Variants in CNTNAP2 observed in about 807,000 individuals in gnomAD.
The protein encoded by CNTNAP2 is contactin associated protein 2.
In CNTNAP2, 98 loss-of-function variants were observed where a neutral mutation model predicts 155.2. The observed-to-expected ratio is 0.63, with a 90% confidence interval of 0.54 to 0.75. The LOEUF (loss-of-function observed/expected upper bound fraction) is 0.75, where lower values mean the gene tolerates loss of function less well. Among genes scored for constraint, CNTNAP2 ranks in the 30% least tolerant of loss-of-function variants. CNTNAP2 has a pLI of 0.00. For synonymous variants in CNTNAP2, 651 were observed against 631.2 expected, an observed-to-expected ratio of 1.03 and a Z score of -0.47; for missense variants, 1,727 against 1,688.1, an observed-to-expected ratio of 1.02 and a Z score of -0.40.
intron 13 of CNTNAP2, among the ~76,000 whole-genome samples, chr7:147,775,301 ATATTTATAAAT>A (rs1797555289): frequency 2.1e-5 from 1 of 47,636 alleles, no homozygotes; most frequent in Non-Finnish European, 3.5e-5. Flanking sequence ...ATATTTATAT[ATATTTATAAAT>A]ATATATATAT....
intron 1 of CNTNAP2, among the ~76,000 whole-genome samples, chr7:146,730,400 C>T (rs2129179270): frequency 6.6e-6 from 1 of 152,204 alleles, no homozygotes; most frequent in East Asian, 1.9e-4. Flanking sequence ...AATTCCTCAT[C>T]CCATTTTATA....
At chr7:147,227,618 G>A (rs994343740) in intron 8 of CNTNAP2, among the ~76,000 whole-genome samples, 3 of 152,150 alleles carry the variant, frequency 2.0e-5, no homozygotes, top group African/African-American at 7.2e-5. Context: ...AGGACATAGA[G>A]GTTTTTGGTT....
At chr7:146,424,050 T>C (rs1796052351) in intron 1 of CNTNAP2, among the ~76,000 whole-genome samples, 1 of 152,180 alleles carries the variant, frequency 6.6e-6, no homozygotes, top group South Asian at 2.1e-4. Flanking sequence ...TTAGTTTTTT[T>C]CATAATATCC....
intron 1 of CNTNAP2, among the ~76,000 whole-genome samples, chr7:146,475,791 C>G (rs1359897477): frequency 6.6e-6 from 1 of 152,092 alleles, no homozygotes; most frequent in Non-Finnish European, 1.5e-5. Context: ...ACTTCCAGTC[C>G]TCCCAATACC....
intron 6 of CNTNAP2, among the ~76,000 whole-genome samples, chr7:147,127,116 T>C (rs1252068257): frequency 6.6e-6 from 1 of 152,192 alleles, no homozygotes. Context: ...GACGTAGTAC[T>C]CCATTTTAGT....
At chr7:146,747,346 T>C (rs1222402523) in intron 1 of CNTNAP2, among the ~76,000 whole-genome samples, 1 of 152,166 alleles carries the variant, frequency 6.6e-6, no homozygotes, top group Non-Finnish European at 1.5e-5. Flanking sequence ...AATTTAGTCT[T>C]CTTACCTGGA....
At chr7:148,120,471 C>T (rs913586857) in intron 16 of CNTNAP2, among the ~76,000 whole-genome samples, 6 of 151,896 alleles carry the variant, frequency 4.0e-5, no homozygotes, top group South Asian at 2.1e-4. Context: ...CTCGCCATGT[C>T]GGCCAGGCTG....
In CNTNAP2 at chr7:146,818,923, A is replaced by G. The variant is rs917363254; in HGVS notation, c.209-20788A>G. ...TTTAAAAAGTAAAAACCACAGTGATATTCATTAAGGTAGGTAAATTTTTAA... is the reference window on the plus strand; with the variant it reads ...TTTAAAAAGTAAAAACCACAGTGATGTTCATTAAGGTAGGTAAATTTTTAA... On this transcript the variant is annotated intron_variant, in intron 2 of 23. Coordinates refer to ENST00000361727, the MANE Select transcript of CNTNAP2 (RefSeq NM_014141.6). Among the ~76,000 whole-genome samples, 3 of 152,146 alleles carry G rather than the reference A, an allele frequency of 2.0e-5. No homozygotes were observed. The South Asian group carries it at 6.2e-4, about 31-fold the overall frequency.
chr7:148,317,915 T>TCG lies in CNTNAP2; in HGVS notation c.3475+50790_3475+50791dup, dbSNP rs555247186. Among the ~76,000 whole-genome samples the TCG allele has an allele frequency of 1.4e-3, 209 of 152,180 alleles. 1 individual carries two copies. The highest frequency in any genetic ancestry group is 2.8e-3 in the Admixed American group (43 of 15,288). On this transcript the variant is annotated intron_variant, in intron 21 of 23. Coordinates refer to ENST00000361727, the MANE Select transcript of CNTNAP2 (RefSeq NM_014141.6). ...TCACCATGGTCTCAATCTCCTGACC[T>TCG]CGTGATCCGCCTAACTCGGCCTCCC...
chr7:146,977,251 G>C (rs1462721940), intron 3 of CNTNAP2, among the ~76,000 whole-genome samples: 1 of 152,120 alleles, frequency 6.6e-6, no homozygotes, highest in Non-Finnish European at 1.5e-5. Context: ...TTCTGTCTTG[G>C]TGTTCACAAC....
intron 1 of CNTNAP2, among the ~76,000 whole-genome samples, chr7:146,144,321 T>C (rs1797925780): frequency 6.6e-6 from 1 of 151,980 alleles, no homozygotes; most frequent in Non-Finnish European, 1.5e-5. Flanking sequence ...CTGGCTAATT[T>C]TCATATTTTG....
chr7:147,316,209 T>A (rs1795231199), intron 9 of CNTNAP2, among the ~76,000 whole-genome samples: 1 of 152,150 alleles, frequency 6.6e-6, no homozygotes, highest in Admixed American at 6.6e-5. Flanking sequence ...TCAATGCTTG[T>A]CATTCTCTCT....
At chr7:146,671,941 G>A (rs1446147526) in intron 1 of CNTNAP2, among the ~76,000 whole-genome samples, 1 of 151,814 alleles carries the variant, frequency 6.6e-6, no homozygotes, top group Non-Finnish European at 1.5e-5. Context: ...TCAGCCTCCC[G>A]AGTAGTTGGG....
intron 1 of CNTNAP2, among the ~76,000 whole-genome samples, chr7:146,501,151 A>C (rs1169639841): frequency 6.6e-6 from 1 of 152,106 alleles, no homozygotes; most frequent in African/African-American, 2.4e-5. Flanking sequence ...TTTTACATAC[A>C]TATTAATAAG....
intron 22 of CNTNAP2, among the ~76,000 whole-genome samples, chr7:148,390,314 T>C (rs1307442450): frequency 6.6e-6 from 1 of 151,984 alleles, no homozygotes; most frequent in Non-Finnish European, 1.5e-5. Flanking sequence ...AACAATAAAT[T>C]TGCAGTGTGG....
At chr7:146,639,795 T>G (rs1799674805) in intron 1 of CNTNAP2, among the ~76,000 whole-genome samples, 1 of 152,214 alleles carries the variant, frequency 6.6e-6, no homozygotes, top group Non-Finnish European at 1.5e-5. Context: ...ATTATCACAG[T>G]TTTAGTAGAC....
intron 1 of CNTNAP2, among the ~76,000 whole-genome samples, chr7:146,212,480 G>T (rs1166054318): frequency 6.6e-6 from 1 of 152,114 alleles, no homozygotes; most frequent in Non-Finnish European, 1.5e-5. Flanking sequence ...GACGTATAAT[G>T]ATTTTGAGCA....
chr7:147,725,671 C>A (rs374703689), intron 13 of CNTNAP2, among the ~76,000 whole-genome samples: 41 of 152,158 alleles, frequency 2.7e-4, no homozygotes, highest in African/African-American at 9.4e-4. Flanking sequence ...AAGGCAAGAG[C>A]CACCCCAAAC....
intron 3 of CNTNAP2, among the ~76,000 whole-genome samples, chr7:146,842,533 A>G (rs1803748429): frequency 6.6e-6 from 1 of 152,100 alleles, no homozygotes; most frequent in Non-Finnish European, 1.5e-5. Flanking sequence ...TTTACGAAGA[A>G]AAGAGTTTTG....
Sources: allele counts gnomAD v4.1 joint callset (sites outside exome capture counted in the v4.1 genomes callset), GRCh38; gene constraint gnomAD v4.1.1; transcripts MANE v1.5; gene names NCBI Gene and HGNC (gene_info 2026-07-23, HGNC 2026-07-21).